RC3H1: variants seen among roughly 807,000 people sequenced by gnomAD.
RC3H1 encodes ring finger and CCCH-type domains 1, also known as roquin-1.
Under a neutral mutation model 138.2 loss-of-function variants are expected in RC3H1, and 50 were observed. The observed-to-expected ratio is 0.36, with a 90% confidence interval of 0.29 to 0.46. RC3H1 has a LOEUF of 0.46. RC3H1 is among the 20% of genes least tolerant of loss of function. The probability of loss-of-function intolerance (pLI) is 1.00; values close to 1 mark genes in which losing one functional copy is unlikely to be tolerated. For synonymous variants in RC3H1, 462 were observed against 489.1 expected (o/e 0.94, Z 0.73); for missense variants, 1,031 against 1,388.1 (o/e 0.74, Z 4.09).
At position 173,968,881 on chromosome 1, in the gene RC3H1, C is replaced by CA. The variant is rs1416655216; in HGVS notation, c.1334+1623dup. Among the ~76,000 whole-genome samples the CA allele has an allele frequency of 8.0e-5, 10 of 124,708 alleles. No individual in the cohort carries two copies. The East Asian group carries it at 2.1e-3, about 26-fold the overall frequency. The allele number at this position is 124,708 out of a possible 152,430, so 81.8% of individuals were successfully genotyped here. ...ATTTTTTTTTTTTTTTTTTTGGAGA[C>CA]AGAGTCTCGCACTGTCGTTCAGGCT... On this transcript the variant is annotated intron_variant, in intron 9 of 19. Transcript: ENST00000367696.
chr1:173,966,785 C>T (rs1008230621), intron 9 of RC3H1, among the ~76,000 whole-genome samples: 4 of 151,942 alleles, frequency 2.6e-5, no homozygotes, highest in African/African-American at 7.3e-5. Context: ...TATTTTTCCA[C>T]GTTTCCCAAA....
chr1:173,994,401 A>G (rs1405135733), intron 1 of RC3H1, among the ~76,000 whole-genome samples: 4 of 152,162 alleles, frequency 2.6e-5, no homozygotes, highest in Admixed American at 2.6e-4. Context: ...CAAAACAAAC[A>G]AACAAACAAA....
chr1:173,968,811 C>T (rs888662981), intron 9 of RC3H1, among the ~76,000 whole-genome samples: 2 of 151,354 alleles, frequency 1.3e-5, no homozygotes, highest in African/African-American at 2.4e-5. Context: ...TAATTTATTA[C>T]CATGCTGAGA....
chr1:174,010,728 G>A (rs1661735105), intron 1 of RC3H1, among the ~76,000 whole-genome samples: 1 of 152,040 alleles, frequency 6.6e-6, no homozygotes, highest in Non-Finnish European at 1.5e-5. Context: ...TCTGTCCTCA[G>A]GATAGTTCTT....
At chr1:173,988,753 T>C (rs1198035822) in intron 2 of RC3H1, among the ~76,000 whole-genome samples, 1 of 152,248 alleles carries the variant, frequency 6.6e-6, no homozygotes, top group Non-Finnish European at 1.5e-5. Flanking sequence ...AATTTGTGTG[T>C]AGTGGTATCT....
chr1:173,972,909 G>A (rs1009959552), intron 7 of RC3H1, among the ~76,000 whole-genome samples: 1 of 152,196 alleles, frequency 6.6e-6, no homozygotes, highest in African/African-American at 2.4e-5. Context: ...TCTCAGTGTT[G>A]AGGAGACAAC....
intron 1 of RC3H1, among the ~76,000 whole-genome samples, chr1:174,006,218 A>ATAAG (rs2103080236): frequency 6.6e-6 from 1 of 152,268 alleles, no homozygotes; most frequent in East Asian, 1.9e-4. Flanking sequence ...AAATAAATAA[A>ATAAG]TAAGTAAATA....
intron 1 of RC3H1, among the ~76,000 whole-genome samples, chr1:174,014,173 A>G (rs1661817306): frequency 6.6e-6 from 1 of 152,196 alleles, no homozygotes; most frequent in Non-Finnish European, 1.5e-5. Context: ...AAACCCATAG[A>G]ACTGTCCAAC....
At chr1:173,967,751 A>T (rs1156503149) in intron 9 of RC3H1, among the ~76,000 whole-genome samples, 1 of 152,206 alleles carries the variant, frequency 6.6e-6, no homozygotes, top group Non-Finnish European at 1.5e-5. Context: ...CTTTTTATAA[A>T]AAACTGTATT....
intron 9 of RC3H1, among the ~76,000 whole-genome samples, chr1:173,968,746 C>T (rs961527498): frequency 3.3e-5 from 5 of 151,664 alleles, no homozygotes; most frequent in African/African-American, 9.7e-5. Context: ...GAGAGTGAAT[C>T]GAATATTTTA....
At chr1:173,955,319 CTT>C (rs1227853549) in intron 13 of RC3H1, among the ~76,000 whole-genome samples, 8 of 126,658 alleles carry the variant, frequency 6.3e-5, no homozygotes, top group African/African-American at 8.7e-5. Context: ...GAGATGTTGG[CTT>C]TTTTTTTTTT....
intron 18 of RC3H1, among the ~76,000 whole-genome samples, chr1:173,942,800 A>T (rs954532324): frequency 6.6e-6 from 1 of 152,056 alleles, no homozygotes; most frequent in African/African-American, 2.4e-5. Context: ...ACTGCACTCC[A>T]GCCTGGGCGA....
At chr1:174,021,526 T>A (rs1222457659) in intron 1 of RC3H1, among the ~76,000 whole-genome samples, 2 of 152,050 alleles carry the variant, frequency 1.3e-5, no homozygotes, top group Non-Finnish European at 2.9e-5. Context: ...CACACACAAT[T>A]TTCCCATCGC....
At chr1:173,940,591 G>C (rs1054213966) in intron 19 of RC3H1, among the ~76,000 whole-genome samples, 1 of 151,832 alleles carries the variant, frequency 6.6e-6, no homozygotes, top group African/African-American at 2.4e-5. Context: ...ATTTCCTAAA[G>C]CTAATTTTTT....
chr1:173,947,517 A>C lies in RC3H1; in HGVS notation c.2589T>G (p.Ser863Arg). The C allele has an allele frequency of 6.2e-7, 1 of 1,614,048 alleles. No homozygotes were observed. The highest frequency in any genetic ancestry group is 8.5e-7 in the Non-Finnish European group (1 of 1,179,998). ...CTCCAAATGGGATGAGGTCATCATC[A>C]CTGGTTTCTGCTGCTCTTCTCTGAA... is the stretch of plus-strand genomic sequence containing the variant. ...LDLQRRAAETSDDDLIPFGDR... is the reference protein window; with the variant it reads ...LDLQRRAAETRDDDLIPFGDR... The change falls in exon 15 of 20, where the codon AGT (serine) becomes AGG (arginine). Residue 863 changes from serine to arginine, a missense_variant. Transcript: ENST00000367696.
At position 173,992,839 on chromosome 1, in the gene RC3H1, A is replaced by T. The variant is rs1225265697; in HGVS notation, c.147T>A (p.Ala49=). The T allele has an allele frequency of 6.2e-7, 1 of 1,614,086 alleles. No individual in the cohort carries two copies. Among genetic ancestry groups the T allele is most frequent in the East Asian group, 2.2e-5 (1 of 44,888 alleles). The part of the protein sequence containing the change: ...KMCLNKLHRK[A]CPFDQTTINT... ...TGATAGTGGTCTGGTCAAATGGGCA[A>T]GCCTTGCGGTGGAGTTTATTCAGGC... Residue 49 remains alanine, a synonymous_variant, in exon 2 of 20, where the codon GCT becomes GCA. Coordinates refer to ENST00000367696, the MANE Select transcript of RC3H1 (RefSeq NM_172071.4).
chr1:174,021,493 T>TG (rs1183420829), intron 1 of RC3H1, among the ~76,000 whole-genome samples: 11 of 151,898 alleles, frequency 7.2e-5, no homozygotes, highest in African/African-American at 2.7e-4. Flanking sequence ...GTTTTTTGTT[T>TG]TTTTTTTTTA....
chr1:173,938,880 ATTT>A lies in RC3H1; in HGVS notation c.3252-12_3252-10del. On this transcript the variant is annotated splice_polypyrimidine_tract_variant and intron_variant, in intron 19 of 19. Transcript: ENST00000367696. ...ATCCATTTGGTACATCACTGCTGAC[ATTT>A]TAAAATTTTGAAAAAGGAGAGAGAG... 6.4e-7 allele frequency: 1 copy of A among 1,572,040 alleles called. No homozygotes were observed. The highest frequency in any genetic ancestry group is 1.9e-5 in the Admixed American group (1 of 52,404).
In RC3H1 at chr1:173,961,781, C is replaced by T. The variant is rs138013535; in HGVS notation, c.2146G>A (p.Glu716Lys). Residue 716 changes from glutamate to lysine, a missense_variant, in exon 12 of 20, where the codon GAG becomes AAG. Coordinates refer to ENST00000367696, the MANE Select transcript of RC3H1 (RefSeq NM_172071.4). ...PESRERYQQI[E>K]SYYPVAPHPT... The stretch of plus-strand genomic sequence containing the variant: ...TGAGGAGCCACTGGATAGTAACTCT[C>T]GATCTGTTGGTATCTTTCTCTGGAT... 139 of 1,612,986 alleles carry T rather than the reference C, an allele frequency of 8.6e-5. No individual in the cohort carries two copies. The highest frequency in any genetic ancestry group is 3.2e-4 in the Admixed American group (19 of 60,002).
Sources: allele counts gnomAD v4.1 joint callset (sites outside exome capture counted in the v4.1 genomes callset), GRCh38; gene constraint gnomAD v4.1.1; transcripts MANE v1.5; gene names NCBI Gene and HGNC (gene_info 2026-07-23, HGNC 2026-07-21).